NFASC: variants seen among roughly 807,000 people sequenced by gnomAD.
The protein encoded by NFASC is neurofascin.
In NFASC, 43 loss-of-function variants were observed where a neutral mutation model predicts 147.5. That is an observed-to-expected ratio of 0.29 (90% CI 0.23 to 0.38). The LOEUF (loss-of-function observed/expected upper bound fraction) is 0.38. Ranked by LOEUF, NFASC falls within the 10% of genes least tolerant of loss-of-function variation. The pLI is 1.00. For missense variants in NFASC, 1,320 were observed against 1,689.0 expected, an observed-to-expected ratio of 0.78 and a Z score of 3.83; for synonymous variants, 622 against 665.5, an observed-to-expected ratio of 0.93 and a Z score of 1.01.
At chr1:204,835,219 T>TG in intron 1 of NFASC, among the ~76,000 whole-genome samples, 1 of 131,262 alleles carries the variant, frequency 7.6e-6, no homozygotes, top group South Asian at 2.6e-4. Context: ...GGGTCTTTTT[T>TG]TTTTTTTTTT....
chr1:204,962,831 C>T (rs189378489), intron 8 of NFASC, among the ~76,000 whole-genome samples: 28 of 152,280 alleles, frequency 1.8e-4, no homozygotes, highest in African/African-American at 5.5e-4. Flanking sequence ...TCCACACTTG[C>T]GAGACATGGA....
At chr1:204,970,895 C>T in intron 11 of NFASC, 148 bp downstream of exon 11, 1 of 955,926 alleles carries the variant, frequency 1.0e-6, no homozygotes, top group South Asian at 1.6e-5. Context: ...CCCATCTCTT[C>T]AGACATCTCA....
intron 1 of NFASC, among the ~76,000 whole-genome samples, chr1:204,838,629 A>T (rs538730958): frequency 6.6e-6 from 1 of 152,302 alleles, no homozygotes; most frequent in Non-Finnish European, 1.5e-5. Context: ...TATGGCCCTG[A>T]AAAGCTGGCT....
intron 2 of NFASC, among the ~76,000 whole-genome samples, chr1:204,926,849 G>T (rs1273015292): frequency 4.6e-5 from 7 of 151,930 alleles, no homozygotes; most frequent in Admixed American, 4.6e-4. Flanking sequence ...TGAGGCGGGT[G>T]GATCACTTGA....
In NFASC at chr1:204,884,894, G is replaced by C. The variant is rs538850069; in HGVS notation, c.-199-35738G>C. Among the ~76,000 whole-genome samples, 3 of 152,274 alleles carry C rather than the reference G, an allele frequency of 2.0e-5. No homozygotes were observed. The East Asian group carries it at 5.8e-4, about 29-fold the overall frequency. ...ATAGAGCGCATGGTCTTACTAGAGA[G>C]AGAATCACACAGGAAAGAGAGGATG... On this transcript the variant is annotated intron_variant, in intron 1 of 29. Transcript: ENST00000339876.
At chr1:204,974,889 A>G in intron 14 of NFASC, 66 bp downstream of exon 14, 1 of 1,510,184 alleles carries the variant, frequency 6.6e-7, no homozygotes, top group Non-Finnish European at 9.2e-7. Context: ...GCAGTTATCC[A>G]CATACAATAT....
At chr1:204,866,823 A>G (rs772749524) in intron 1 of NFASC, among the ~76,000 whole-genome samples, 2 of 152,182 alleles carry the variant, frequency 1.3e-5, no homozygotes, top group African/African-American at 2.4e-5. Flanking sequence ...AGTGATGGAG[A>G]TACATAATGT....
chr1:204,847,095 A>C (rs2075242974), intron 1 of NFASC, among the ~76,000 whole-genome samples: 1 of 151,862 alleles, frequency 6.6e-6, no homozygotes. Flanking sequence ...GTATAAATTG[A>C]CCTTGGTTAT....
chr1:204,876,152 A>G (rs532889520), intron 1 of NFASC, among the ~76,000 whole-genome samples: 1 of 152,260 alleles, frequency 6.6e-6, no homozygotes, highest in South Asian at 2.1e-4. Context: ...CAACTGTATC[A>G]AGGTATAATT....
chr1:205,016,458 C>G lies in NFASC; in HGVS notation c.3642C>G (p.Val1214=), dbSNP rs1415344467. 2 of 1,613,886 alleles carry G rather than the reference C, an allele frequency of 1.2e-6. No homozygotes were observed. The highest frequency in any genetic ancestry group is 2.7e-5 in the African/African-American group (2 of 74,872). ...EDGSFIGQYT[V]KKDKEETEGN... The stretch of plus-strand genomic sequence containing the variant: ...GCTCCTTCATCGGCCAGTACACGGT[C>G]AAAAAGGACAAGGAGGAAACAGAGG... Residue 1214 remains valine, a synonymous_variant, in exon 30 of 30, where the codon GTC becomes GTG. Coordinates refer to ENST00000339876, the MANE Select transcript of NFASC (RefSeq NM_001005388.3). This position sits in a 1 kb window ranked among gnomAD's most constrained non-coding sequence, Gnocchi z 5.1.
intron 2 of NFASC, among the ~76,000 whole-genome samples, chr1:204,932,438 A>C (rs2149597782): frequency 6.6e-6 from 1 of 152,200 alleles, no homozygotes; most frequent in South Asian, 2.1e-4. Flanking sequence ...TATGCTGGCC[A>C]CTCGGCACAC....
chr1:205,007,387 C>T (rs2096141222), intron 27 of NFASC, among the ~76,000 whole-genome samples: 1 of 142,390 alleles, frequency 7.0e-6, no homozygotes, highest in Admixed American at 7.4e-5. Flanking sequence ...TAGAGAGAGA[C>T]TCTGTCTCAG....
rs1199352087 is a variant in NFASC, at chr1:205,015,615, C to T, written c.3492-693C>T. Among the ~76,000 whole-genome samples, 1 of 152,168 alleles carries T rather than the reference C, an allele frequency of 6.6e-6. No homozygotes were observed. The highest frequency in any genetic ancestry group is 6.5e-5 in the Admixed American group (1 of 15,282). On this transcript the variant is annotated intron_variant, in intron 29 of 29. Coordinates refer to ENST00000339876, the MANE Select transcript of NFASC (RefSeq NM_001005388.3). The surrounding 1 kb of genome is among the most constrained non-coding windows in gnomAD (Gnocchi z 4.0). The stretch of plus-strand genomic sequence containing the variant: ...CTCAGAAGGGGCTGGGCATGATCCT[C>T]TGAGCCTTGCTGTCTTCTCACGTTT...
At chr1:204,905,922 A>T (rs1401024147) in intron 1 of NFASC, among the ~76,000 whole-genome samples, 1 of 152,232 alleles carries the variant, frequency 6.6e-6, no homozygotes, top group African/African-American at 2.4e-5. Context: ...ATTTGGTATC[A>T]TTAGACTTAG....
intron 19 of NFASC, 99 bp from the exon 20 acceptor site, chr1:204,980,271 A>G: frequency 2.3e-6 from 2 of 851,402 alleles, no homozygotes; most frequent in Non-Finnish European, 4.0e-6. Context: ...GGAAAGACAG[A>G]GCATAGAACA....
intron 26 of NFASC, among the ~76,000 whole-genome samples, chr1:205,002,394 G>A (rs2150894961): frequency 6.6e-6 from 1 of 152,306 alleles, no homozygotes; most frequent in African/African-American, 2.4e-5. Flanking sequence ...CCAGCTGAAG[G>A]GTCGTTTAAA....
At chr1:204,861,692 T>G (rs1280190176) in intron 1 of NFASC, among the ~76,000 whole-genome samples, 3 of 152,126 alleles carry the variant, frequency 2.0e-5, no homozygotes, top group African/African-American at 7.2e-5. Context: ...GGTTTCACCA[T>G]GTTAGCCAGG....
chr1:204,902,790 T>C (rs1447214326), intron 1 of NFASC, among the ~76,000 whole-genome samples: 2 of 152,064 alleles, frequency 1.3e-5, no homozygotes, highest in Admixed American at 6.5e-5. Flanking sequence ...AAAGGGAAAG[T>C]TGGAATTGCC....
chr1:204,887,183 G>A (rs930649301), intron 1 of NFASC, among the ~76,000 whole-genome samples: 4 of 152,052 alleles, frequency 2.6e-5, no homozygotes, highest in South Asian at 2.1e-4. Context: ...CCTGGGAACC[G>A]TCATTCTGCT....
Sources: gnomAD v4.1 joint callset for allele counts (sites outside exome capture counted in the v4.1 genomes callset) on GRCh38, gnomAD v4.1.1 for gene constraint, Gnocchi (gnomAD v3.1) non-coding constraint, MANE v1.5 for transcripts, NCBI Gene and HGNC (gene_info 2026-07-23, HGNC 2026-07-21) for gene names.